INPP5A: variants seen among roughly 807,000 people sequenced by gnomAD.
INPP5A encodes 43 kDa inositol polyphosphate 5-phophatase.
Under a neutral mutation model 65.2 loss-of-function variants are expected in INPP5A, and 14 were observed. The observed-to-expected ratio is 0.21, with a 90% CI of 0.14 to 0.34. The LOEUF (loss-of-function observed/expected upper bound fraction) is 0.34, where lower values mean the gene tolerates loss of function less well. INPP5A is among the 10% of genes least tolerant of loss of function. The pLI is 1.00. For synonymous variants in INPP5A, 207 were observed against 208.3 expected (o/e 0.99, Z 0.05); for missense variants, 431 against 545.6 (o/e 0.79, Z 2.09).
In INPP5A at chr10:132,666,011, C is replaced by T. The variant is rs2072796578; in HGVS notation, c.306+15506C>T. ...TGGAGGTAGCAGTGAGCCAAGATCA[C>T]ACCACTGCACTGCAGCCTGGGCAAC... On this transcript the variant is annotated intron_variant, in intron 4 of 15. Transcript: ENST00000368594. Among the ~76,000 whole-genome samples, 3 of 149,142 alleles carry T rather than the reference C, an allele frequency of 2.0e-5. No homozygotes were observed. The South Asian group carries it at 6.4e-4, about 32-fold the overall frequency.
Position 132,676,538 on chromosome 10 carries a change from C to T in INPP5A, c.307-13854C>T, listed in dbSNP as rs1177790411. Among the ~76,000 whole-genome samples, 1 of 152,182 alleles carries T rather than the reference C, an allele frequency of 6.6e-6. No individual in the cohort carries two copies. The highest frequency in any genetic ancestry group is 1.5e-5 in the Non-Finnish European group (1 of 68,038). On this transcript the variant is annotated intron_variant, in intron 4 of 15. Transcript: ENST00000368594. The surrounding 1 kb of genome is among the most constrained non-coding windows in gnomAD (Gnocchi z 4.0). ...GATTTCCCTTTTGAAAAGCAAGGTC[C>T]ATGATAATGGGCTGAACACAAGCAG...
chr10:132,571,093 C>G (rs1352852212), intron 1 of INPP5A, among the ~76,000 whole-genome samples: 2 of 152,274 alleles, frequency 1.3e-5, no homozygotes, highest in Admixed American at 6.5e-5. Flanking sequence ...AGTGCACGCC[C>G]ACCTGCTGGG....
intron 1 of INPP5A, among the ~76,000 whole-genome samples, chr10:132,570,080 G>A (rs1460645941): frequency 4.6e-5 from 7 of 150,538 alleles, no homozygotes; most frequent in South Asian, 2.1e-4. Context: ...GATTACAGGC[G>A]TGAGCCACCG....
intron 12 of INPP5A, among the ~76,000 whole-genome samples, chr10:132,767,919 C>T (rs1222878111): frequency 4.3e-5 from 6 of 139,224 alleles, no homozygotes; most frequent in African/African-American, 1.4e-4. Context: ...CAACCCTCGG[C>T]ATTCCCAGGG....
intron 1 of INPP5A, among the ~76,000 whole-genome samples, chr10:132,556,421 G>GT (rs935337232): frequency 6.6e-6 from 1 of 152,218 alleles, no homozygotes; most frequent in East Asian, 1.9e-4. Flanking sequence ...GTTGGGGCTG[G>GT]TGGAAGCTGC....
intron 1 of INPP5A, among the ~76,000 whole-genome samples, chr10:132,577,870 C>A (rs2071429062): frequency 6.6e-6 from 1 of 152,210 alleles, no homozygotes; most frequent in Non-Finnish European, 1.5e-5. Context: ...AGCCGTCAGA[C>A]TCCTGGTTTG....
At chr10:132,623,311 G>A (rs544278417) in intron 2 of INPP5A, among the ~76,000 whole-genome samples, 10 of 151,974 alleles carry the variant, frequency 6.6e-5, no homozygotes, top group Admixed American at 3.3e-4. Context: ...CAGATCAGTG[G>A]AACAGAAAAG....
intron 4 of INPP5A, among the ~76,000 whole-genome samples, chr10:132,671,568 C>A (rs999033328): frequency 5.3e-5 from 8 of 152,352 alleles, no homozygotes; most frequent in African/African-American, 1.9e-4. Flanking sequence ...CCTGCCATGC[C>A]TGTTGATCCC....
rs185292876 is a variant in INPP5A at position 132,630,510 on chromosome 10, G to A, written c.118-15358G>A. On this transcript the variant is annotated intron_variant, in intron 2 of 15. Transcript: ENST00000368594. ...GAAGAGAGGCCATCCTTGAGGAAAAGGCATCCATGAGGGAAAGGCTTTCAT... is the reference window on the plus strand; with the variant it reads ...GAAGAGAGGCCATCCTTGAGGAAAAAGCATCCATGAGGGAAAGGCTTTCAT... 2.8e-3 allele frequency among the ~76,000 whole-genome samples: 427 copies of A among 152,026 alleles called. 1 individual carries two copies. Among genetic ancestry groups the A allele is most frequent in the African/African-American group, 9.5e-3 (395 of 41,414 alleles).
At position 132,722,227 on chromosome 10, in the gene INPP5A, T is replaced by C. The variant is rs148986644; in HGVS notation, c.648-4594T>C. On this transcript the variant is annotated intron_variant, in intron 8 of 15. Transcript: ENST00000368594. ...AATAGATTCCCAATTGTACACAACT[T>C]AGGCCTTTAAAAATACAGTGCCAAA... Among the ~76,000 whole-genome samples, 287 of 152,300 alleles carry C rather than the reference T, an allele frequency of 1.9e-3. 4 individuals are homozygous for C. Among genetic ancestry groups the C allele is most frequent in the African/African-American group, 6.7e-3 (277 of 41,568 alleles).
At chr10:132,780,945 G>C in intron 14 of INPP5A, 28 bp downstream of exon 14, 1 of 1,591,156 alleles carries the variant, frequency 6.3e-7, no homozygotes, top group Non-Finnish European at 8.6e-7. Flanking sequence ...CCAGGGGCCA[G>C]GCTGGGGGAC....
rs996969743 is a variant in INPP5A at position 132,550,120 on chromosome 10, G to A, written c.75+11949G>A. Among the ~76,000 whole-genome samples the A allele has an allele frequency of 6.6e-6, 1 of 152,058 alleles. No individual in the cohort carries two copies. Among genetic ancestry groups the A allele is most frequent in the Non-Finnish European group, 1.5e-5 (1 of 68,016 alleles). On this transcript the variant is annotated intron_variant, in intron 1 of 15. Coordinates refer to ENST00000368594, the MANE Select transcript of INPP5A (RefSeq NM_005539.5). This position sits in a 1 kb window ranked among gnomAD's most constrained non-coding sequence, Gnocchi z 4.2. ...AGTTACTAACCGGGCATTAGGGGATGGGGTCAGGCTCGAGTTACTAACCAG... is the reference window on the plus strand; with the variant it reads ...AGTTACTAACCGGGCATTAGGGGATAGGGTCAGGCTCGAGTTACTAACCAG...
rs1475219497 is a variant in INPP5A at position 132,537,788 on chromosome 10, C to G, written c.-309C>G. 1 of 365,558 alleles carries G rather than the reference C, an allele frequency of 2.7e-6. No homozygotes were observed. The allele number at this position is 365,558 out of a possible 1,614,324, so 22.6% of individuals were successfully genotyped here. A position where few individuals can be genotyped will look rare whatever the true frequency, so the allele number is the denominator to read the frequency against. On this transcript the variant is annotated 5_prime_UTR_variant, in exon 1 of 16. Transcript: ENST00000368594. ...CCGGGCTCGGCTCCGCGGGGCGGGA[C>G]TTGCCCTCAGCCTGAGTCGGCGGCG...
At chr10:132,569,517 C>A (rs745923164) in intron 1 of INPP5A, among the ~76,000 whole-genome samples, 1 of 152,088 alleles carries the variant, frequency 6.6e-6, no homozygotes, top group African/African-American at 2.4e-5. Flanking sequence ...CCACCATGAC[C>A]GCCTAATTTT....
chr10:132,744,067 G>A (rs367756352), intron 9 of INPP5A, among the ~76,000 whole-genome samples: 1 of 152,272 alleles, frequency 6.6e-6, no homozygotes, highest in African/African-American at 2.4e-5. Context: ...CCACAGAGGT[G>A]GAGGAGTGGC....
intron 6 of INPP5A, among the ~76,000 whole-genome samples, chr10:132,703,264 G>A (rs188259683): frequency 5.9e-5 from 9 of 152,216 alleles, no homozygotes; most frequent in East Asian, 5.8e-4. Context: ...TCTTGCGGTC[G>A]TTGTCATACG....
Position 132,782,164 on chromosome 10 carries a change from C to G in INPP5A, c.*135C>G. The G allele has an allele frequency of 4.8e-6, 7 of 1,449,052 alleles. No individual in the cohort carries two copies. Among genetic ancestry groups the G allele is most frequent in the Middle Eastern group, 1.8e-4 (1 of 5,438 alleles). The allele number at this position is 1,449,052 out of a possible 1,614,324, so 89.8% of individuals were successfully genotyped here. A position where few individuals can be genotyped will look rare whatever the true frequency, so the allele number is the denominator to read the frequency against. ...CACCTGCTAGACGGCCAGCCCCACA[C>G]TTCGCTTCAGCCTCCGGACCATTCC... is the stretch of plus-strand genomic sequence containing the variant. On this transcript the variant is annotated 3_prime_UTR_variant, in exon 16 of 16. Transcript: ENST00000368594. This position sits in a 1 kb window ranked among gnomAD's most constrained non-coding sequence, Gnocchi z 4.4.
At chr10:132,595,442 G>A (rs2071674382) in intron 1 of INPP5A, among the ~76,000 whole-genome samples, 1 of 152,204 alleles carries the variant, frequency 6.6e-6, no homozygotes, top group African/African-American at 2.4e-5. Context: ...TGGTAACTGT[G>A]TAGTTCACTG....
chr10:132,629,230 T>G (rs2133370974), intron 2 of INPP5A, among the ~76,000 whole-genome samples: 1 of 152,298 alleles, frequency 6.6e-6, no homozygotes, highest in Admixed American at 6.5e-5. Flanking sequence ...GGCCTCAAAC[T>G]TGCTCTTGCC....
Sources: allele counts gnomAD v4.1 joint callset (sites outside exome capture counted in the v4.1 genomes callset), GRCh38; gene constraint gnomAD v4.1.1; non-coding constraint Gnocchi (gnomAD v3.1); transcripts MANE v1.5; gene names NCBI Gene and HGNC (gene_info 2026-07-23, HGNC 2026-07-21).